The following RBFOX2 variants were observed in gnomAD, a reference collection of about 807,000 sequenced individuals.
The protein encoded by RBFOX2 is RNA binding protein fox-1 homolog 2.
RBFOX2 carries 10 observed loss-of-function variants against 49.1 expected under a neutral mutation model. The ratio of observed to expected loss-of-function variants is 0.20; its 90% CI spans 0.13 to 0.35. The LOEUF is 0.35. Among genes scored for constraint, RBFOX2 ranks in the 10% least tolerant of loss-of-function variants. The probability of loss-of-function intolerance (pLI) is 1.00; values close to 1 mark genes in which losing one functional copy is unlikely to be tolerated. For synonymous variants in RBFOX2, 183 were observed against 187.4 expected (o/e 0.98, Z 0.19); for missense variants, 323 against 486.9 (o/e 0.66, Z 3.17).
intron 1 of RBFOX2, among the ~76,000 whole-genome samples, chr22:35,937,996 T>C (rs2053291000): frequency 6.6e-6 from 1 of 152,214 alleles, no homozygotes; most frequent in Admixed American, 6.5e-5. Context: ...TCATATCTCC[T>C]GGACAAGTAT....
At chr22:35,886,720 C>T (rs1033205800) in intron 1 of RBFOX2, among the ~76,000 whole-genome samples, 3 of 152,146 alleles carry the variant, frequency 2.0e-5, no homozygotes, top group African/African-American at 7.2e-5. Flanking sequence ...ATGAAACCAC[C>T]GTAAGATTGA....
intron 2 of RBFOX2, among the ~76,000 whole-genome samples, chr22:35,783,973 G>C (rs1467369307): frequency 1.3e-5 from 2 of 152,136 alleles, no homozygotes; most frequent in African/African-American, 4.8e-5. Flanking sequence ...TACAATGCAT[G>C]GTCCTCTGCT....
At chr22:35,987,000 G>GA (rs1422136403) in intron 1 of RBFOX2, among the ~76,000 whole-genome samples, 1 of 150,716 alleles carries the variant, frequency 6.6e-6, no homozygotes, top group African/African-American at 2.4e-5. Flanking sequence ...ACCTAGGGAA[G>GA]AAAAAGAAAG....
At chr22:35,971,410 A>C (rs531566946) in intron 1 of RBFOX2, among the ~76,000 whole-genome samples, 1 of 152,280 alleles carries the variant, frequency 6.6e-6, no homozygotes, top group South Asian at 2.1e-4. Flanking sequence ...AGTCTCATTC[A>C]CATTCTCATG....
Position 35,968,451 on chromosome 22 carries a change from G to A in RBFOX2, c.187-29554C>T, listed in dbSNP as rs1283011124. ...GTAAACCAGATGCTTCACAGACTGG[G>A]CTTCCAGGTCTTAAGCACATTTTCT... is the stretch of plus-strand genomic sequence containing the variant. On this transcript the variant is annotated intron_variant, in intron 1 of 13. Transcript: ENST00000438146. Among the ~76,000 whole-genome samples, 3 of 152,062 alleles carry A rather than the reference G, an allele frequency of 2.0e-5. No individual in the cohort carries two copies. In the East Asian group the frequency reaches 5.8e-4, roughly 29 times the overall value.
intron 1 of RBFOX2, among the ~76,000 whole-genome samples, chr22:35,952,677 T>C (rs1016154130): frequency 6.6e-6 from 1 of 152,236 alleles, no homozygotes; most frequent in African/African-American, 2.4e-5. Flanking sequence ...TCCTCTTTAC[T>C]TTCCCTGTCT....
intron 2 of RBFOX2, among the ~76,000 whole-genome samples, chr22:35,789,555 A>T (rs1300134799): frequency 6.6e-6 from 1 of 152,184 alleles, no homozygotes; most frequent in East Asian, 1.9e-4. Flanking sequence ...AAAAAAAGAA[A>T]AAGATGTAGA....
intron 1 of RBFOX2, among the ~76,000 whole-genome samples, chr22:35,831,075 T>C (rs1028208066): frequency 1.3e-5 from 2 of 152,180 alleles, no homozygotes; most frequent in African/African-American, 4.8e-5. Flanking sequence ...ATCAGCAAAC[T>C]ATAGCTTGTG....
At chr22:35,908,844 A>ATTT (rs555305648) in intron 1 of RBFOX2, among the ~76,000 whole-genome samples, 1 of 137,712 alleles carries the variant, frequency 7.3e-6, no homozygotes, top group Admixed American at 7.4e-5. Flanking sequence ...TTTCTCATCT[A>ATTT]TTTTTTTTTT....
intron 1 of RBFOX2, among the ~76,000 whole-genome samples, chr22:35,958,959 C>CTATATA (rs71810155): frequency 3.2e-5 from 4 of 126,028 alleles, no homozygotes; most frequent in African/African-American, 8.9e-5. Context: ...ATAGAGAAAA[C>CTATATA]TATATATATA....
chr22:35,898,174 C>T (rs746448924), intron 1 of RBFOX2: 5 of 747,862 alleles, frequency 6.7e-6, no homozygotes, highest in Admixed American at 1.8e-5. Flanking sequence ...CACCTGTGAC[C>T]CCACGCGTCC....
At chr22:35,774,422 T>C (rs1943406303) in intron 4 of RBFOX2, among the ~76,000 whole-genome samples, 1 of 152,166 alleles carries the variant, frequency 6.6e-6, no homozygotes, top group African/African-American at 2.4e-5. Context: ...TTCCATCATA[T>C]ATCTTAATAG....
chr22:35,793,567 A>G (rs1948198006), intron 2 of RBFOX2, among the ~76,000 whole-genome samples: 1 of 152,226 alleles, frequency 6.6e-6, no homozygotes, highest in Non-Finnish European at 1.5e-5. Context: ...ATGGTGCTAA[A>G]ATAATATATA....
chr22:35,953,801 C>A (rs2055237662), intron 1 of RBFOX2, among the ~76,000 whole-genome samples: 1 of 151,808 alleles, frequency 6.6e-6, no homozygotes, highest in African/African-American at 2.4e-5. Context: ...AATATAGACA[C>A]AAAAAAGTGC....
rs147938985 is a variant in RBFOX2, at chr22:35,812,880, C to T, written c.28-2876G>A. On this transcript the variant is annotated intron_variant, in intron 1 of 11. Transcript: ENST00000405409. ...GTACACAGTATGAATTCTCTCACAG[C>T]GTTATTCTCAACAGGGCTGACTCAG... Among the ~76,000 whole-genome samples, 21 of 152,276 alleles carry T rather than the reference C, an allele frequency of 1.4e-4. No homozygotes were observed. The East Asian group carries it at 3.9e-3, about 28-fold the overall frequency.
chr22:35,801,740 G>A (rs1457890476), intron 2 of RBFOX2, among the ~76,000 whole-genome samples: 1 of 152,200 alleles, frequency 6.6e-6, no homozygotes, highest in African/African-American at 2.4e-5. Flanking sequence ...CAGGAGAATC[G>A]CTTGAACCTG....
intron 1 of RBFOX2, among the ~76,000 whole-genome samples, chr22:35,960,847 A>G (rs532944151): frequency 6.6e-6 from 1 of 152,248 alleles, no homozygotes; most frequent in African/African-American, 2.4e-5. Context: ...TCATCTCTAA[A>G]GCCGATTCCG....
At chr22:36,011,840 A>G (rs2058833874) in intron 1 of RBFOX2, among the ~76,000 whole-genome samples, 1 of 152,218 alleles carries the variant, frequency 6.6e-6, no homozygotes, top group African/African-American at 2.4e-5. Context: ...GAAATGAAAG[A>G]TTCTACTGAG....
At chr22:35,907,729 C>A (rs2049288573) in intron 1 of RBFOX2, among the ~76,000 whole-genome samples, 1 of 152,062 alleles carries the variant, frequency 6.6e-6, no homozygotes, top group Non-Finnish European at 1.5e-5. Context: ...CTCACTGCAA[C>A]CTTCACCTCC....
Sources: allele counts gnomAD v4.1 joint callset (sites outside exome capture counted in the v4.1 genomes callset), GRCh38; gene constraint gnomAD v4.1.1; transcripts MANE v1.5; gene names NCBI Gene and HGNC (gene_info 2026-07-23, HGNC 2026-07-21).